The following ZNF695 variants were observed in gnomAD, a reference collection of about 807,000 sequenced individuals.
ZNF695 encodes zinc finger protein 695.
Under a neutral mutation model 11.2 loss-of-function variants are expected in ZNF695, and 11 were observed. That is an observed-to-expected ratio of 0.98 (90% CI 0.62 to 1.62). The LOEUF is 1.62. ZNF695 is among the 40% of genes most tolerant of loss of function. The pLI is 0.00. For synonymous variants in ZNF695, 190 were observed against 201.4 expected (o/e 0.94, Z 0.48); for missense variants, 559 against 590.5 (o/e 0.95, Z 0.55).
intron 5 of ZNF695, among the ~76,000 whole-genome samples, chr1:246,958,487 C>T (rs1668065876): frequency 6.6e-6 from 1 of 152,130 alleles, no homozygotes; most frequent in African/African-American, 2.4e-5. Flanking sequence ...GATCCTTACC[C>T]TTAGAACTCA....
chr1:246,988,572 A>T (rs1458890668), intron 3 of ZNF695, among the ~76,000 whole-genome samples: 1 of 152,192 alleles, frequency 6.6e-6, no homozygotes, highest in Non-Finnish European at 1.5e-5. Flanking sequence ...AAGAAAAAAA[A>T]CCTTTACCCT....
In ZNF695 at chr1:247,003,419, A is replaced by C. The variant is rs72768323; in HGVS notation, c.4-3345T>G. Among the ~76,000 whole-genome samples the C allele has an allele frequency of 8.0e-3, 1,212 of 152,306 alleles. 6 individuals are homozygous for C. The highest frequency in any genetic ancestry group is 0.012 in the Non-Finnish European group (835 of 68,030). ...ATATTGAGTAAACATGGACACAAAG[A>C]GGGAACAAAAGACACTAGGGCCGAC... On this transcript the variant is annotated intron_variant, in intron 1 of 3. Transcript: ENST00000339986.
intron 5 of ZNF695, among the ~76,000 whole-genome samples, chr1:246,956,154 AT>A (rs1177124520): frequency 1.3e-5 from 2 of 150,928 alleles, no homozygotes; most frequent in South Asian, 4.2e-4. Flanking sequence ...GTCCCGGCTA[AT>A]TTTTTTGCAT....
intron 1 of ZNF695, among the ~76,000 whole-genome samples, chr1:247,006,118 G>A (rs1288180765): frequency 5.3e-5 from 8 of 151,876 alleles, no homozygotes; most frequent in Non-Finnish European, 1.2e-4. Context: ...CCAGCTACTC[G>A]GGAGGCTGAG....
At chr1:246,993,194 G>C (rs1184009652) in intron 3 of ZNF695, among the ~76,000 whole-genome samples, 5 of 152,094 alleles carry the variant, frequency 3.3e-5, no homozygotes, top group Non-Finnish European at 7.4e-5. Flanking sequence ...AGATCACGAG[G>C]TCAGATGTTC....
At chr1:246,991,944 C>G (rs925699040) in intron 3 of ZNF695, among the ~76,000 whole-genome samples, 4 of 151,916 alleles carry the variant, frequency 2.6e-5, no homozygotes, top group Non-Finnish European at 5.9e-5. Context: ...AACTGTAATC[C>G]CAGCACTTTG....
At chr1:246,971,919 T>G (rs1668438214) in intron 4 of ZNF695, among the ~76,000 whole-genome samples, 1 of 152,108 alleles carries the variant, frequency 6.6e-6, no homozygotes, top group Non-Finnish European at 1.5e-5. Flanking sequence ...TTTCACCATC[T>G]TGAACTTCAT....
intron 1 of ZNF695, among the ~76,000 whole-genome samples, chr1:247,006,539 G>A (rs1188012482): frequency 6.6e-6 from 1 of 152,234 alleles, no homozygotes; most frequent in African/African-American, 2.4e-5. Context: ...GAACCTGGGA[G>A]GTGGAGGTTG....
rs2818875 is a variant in ZNF695 at position 247,007,989 on chromosome 1, A to T, written c.-81T>A. On this transcript the variant is annotated 5_prime_UTR_variant, in exon 1 of 4. Transcript: ENST00000339986. ...GCCACAGGGCGATGGAGCCTGCGGCAGTCACCCGGGACTCTCCGAGAGGCA... is the reference window on the plus strand; with the variant it reads ...GCCACAGGGCGATGGAGCCTGCGGCTGTCACCCGGGACTCTCCGAGAGGCA... 7.1e-7 allele frequency: 1 copy of T among 1,408,396 alleles called. No homozygotes were observed. The highest frequency in any genetic ancestry group is 9.4e-7 in the Non-Finnish European group (1 of 1,065,314). The allele number at this position is 1,408,396 out of a possible 1,614,324, so 87.2% of individuals were successfully genotyped here. A position where few individuals can be genotyped will look rare whatever the true frequency, so the allele number is the denominator to read the frequency against.
chr1:246,998,827 G>C (rs1009856228), intron 3 of ZNF695, among the ~76,000 whole-genome samples: 2 of 152,114 alleles, frequency 1.3e-5, no homozygotes, highest in African/African-American at 4.8e-5. Flanking sequence ...AATTGGCTGG[G>C]TGTGGTGGCG....
chr1:246,995,283 T>C (rs1255862080), intron 3 of ZNF695, among the ~76,000 whole-genome samples: 1 of 152,136 alleles, frequency 6.6e-6, no homozygotes, highest in Non-Finnish European at 1.5e-5. Context: ...ACTGAAACAT[T>C]CACAAATATA....
chr1:246,953,381 G>C (rs568822201), intron 5 of ZNF695, among the ~76,000 whole-genome samples: 1 of 152,204 alleles, frequency 6.6e-6, no homozygotes, highest in East Asian at 1.9e-4. Flanking sequence ...GGCCGAGGCG[G>C]GCGGATCACG....
chr1:247,007,885 C>T (rs1389766485), intron 1 of ZNF695, 21 bp downstream of exon 1: 5 of 1,545,160 alleles, frequency 3.2e-6, no homozygotes, highest in Non-Finnish European at 4.4e-6. Context: ...CTTCTCGGGA[C>T]ACCCTGCTCC....
intron 5 of ZNF695, among the ~76,000 whole-genome samples, chr1:246,950,911 T>C (rs971456800): frequency 6.6e-6 from 1 of 152,074 alleles, no homozygotes. Context: ...TTATGACCAC[T>C]CCAAATTGAA....
At chr1:246,950,467 C>T (rs1261971697) in intron 5 of ZNF695, among the ~76,000 whole-genome samples, 8 of 152,054 alleles carry the variant, frequency 5.3e-5, no homozygotes, top group East Asian at 3.9e-4. Context: ...CTGGCTAACA[C>T]GGTGAAATTT....
intron 3 of ZNF695, chr1:246,995,895 T>G (rs1040749317): frequency 1.6e-5 from 5 of 304,198 alleles, no homozygotes; most frequent in Non-Finnish European, 2.5e-5. Flanking sequence ...GTTAGGTCAA[T>G]GAAACAGAAT....
At chr1:246,988,535 A>G (rs112755949) in intron 3 of ZNF695, among the ~76,000 whole-genome samples, 194 of 152,308 alleles carry the variant, frequency 1.3e-3, no homozygotes, top group African/African-American at 4.1e-3. Flanking sequence ...GCCAGGAGAG[A>G]GTGGTATGAC....
chr1:246,956,453 A>C (rs1391944280), intron 5 of ZNF695, among the ~76,000 whole-genome samples: 1 of 151,182 alleles, frequency 6.6e-6, no homozygotes, highest in African/African-American at 2.4e-5. Context: ...CCGTCTCTAC[A>C]AAAAATACAA....
intron 5 of ZNF695, among the ~76,000 whole-genome samples, chr1:246,956,989 G>A (rs1348955173): frequency 2.6e-5 from 4 of 152,290 alleles, no homozygotes; most frequent in African/African-American, 9.6e-5. Context: ...GAAAAAAAGA[G>A]ATAAAGCAAA....
Sources: allele counts gnomAD v4.1 joint callset (sites outside exome capture counted in the v4.1 genomes callset), GRCh38; gene constraint gnomAD v4.1.1; transcripts MANE v1.5; gene names NCBI Gene and HGNC (gene_info 2026-07-23, HGNC 2026-07-21).